EPN2: variants seen among roughly 807,000 people sequenced by gnomAD.
EPN2 encodes epsin 2.
EPN2 carries 34 observed loss-of-function variants against 61.7 expected under a neutral mutation model. That is an observed-to-expected ratio of 0.55 (90% CI 0.42 to 0.73). The LOEUF (loss-of-function observed/expected upper bound fraction) is 0.73, where lower values mean the gene tolerates loss of function less well. Among genes scored for constraint, EPN2 ranks in the 30% least tolerant of loss-of-function variants. The probability of loss-of-function intolerance (pLI) is 0.00; values close to 1 mark genes in which losing one functional copy is unlikely to be tolerated. For synonymous variants in EPN2, 349 were observed against 353.6 expected, an observed-to-expected ratio of 0.99 and a Z score of 0.15; for missense variants, 714 against 839.2, an observed-to-expected ratio of 0.85 and a Z score of 1.84.
chr17:19,326,595 G>C (rs949802010), intron 7 of EPN2, among the ~76,000 whole-genome samples: 2 of 147,522 alleles, frequency 1.4e-5, no homozygotes, highest in East Asian at 4.1e-4. Context: ...GCTGAGGCAG[G>C]AGAATGGCAT....
chr17:19,250,421 C>T (rs532231082), intron 1 of EPN2, among the ~76,000 whole-genome samples: 2 of 152,138 alleles, frequency 1.3e-5, no homozygotes, highest in South Asian at 2.1e-4. Flanking sequence ...TAACTGCTAC[C>T]TTAATTCTCC....
rs756592790 is a variant in EPN2 at position 19,285,583 on chromosome 17, G to GTC, written c.596-31_596-30dup. 1.4e-6 allele frequency: 2 copies of GTC among 1,463,046 alleles called. No individual in the cohort carries two copies. Among genetic ancestry groups the GTC allele is most frequent in the Admixed American group, 2.4e-5 (1 of 40,930 alleles). The allele number at this position is 1,463,046 out of a possible 1,614,324, so 90.6% of individuals were successfully genotyped here. A position where few individuals can be genotyped will look rare whatever the true frequency, so the allele number is the denominator to read the frequency against. On this transcript the variant is annotated intron_variant, in intron 3 of 10. Coordinates refer to ENST00000314728, the MANE Select transcript of EPN2 (RefSeq NM_014964.5). The surrounding 1 kb of genome is among the most constrained non-coding windows in gnomAD (Gnocchi z 4.5). ...GCTGCTGCGCACCCTCTAATGGCGT[G>GTC]TCTCTCTGTGTGTGTGTGTGTGTCC... is the stretch of plus-strand genomic sequence containing the variant.
chr17:19,268,537 T>G (rs2045223086), intron 1 of EPN2, among the ~76,000 whole-genome samples: 1 of 152,176 alleles, frequency 6.6e-6, no homozygotes, highest in Non-Finnish European at 1.5e-5. Context: ...CCTTAGTACA[T>G]CTTTATAATG....
chr17:19,248,124 A>G (rs2044972946), intron 1 of EPN2, among the ~76,000 whole-genome samples: 1 of 152,220 alleles, frequency 6.6e-6, no homozygotes, highest in Non-Finnish European at 1.5e-5. Flanking sequence ...TGAAGCCAGA[A>G]GAAGCCTTTG....
At chr17:19,279,459 G>A (rs1430561303) in intron 1 of EPN2, among the ~76,000 whole-genome samples, 2 of 149,774 alleles carry the variant, frequency 1.3e-5, no homozygotes, top group African/African-American at 4.9e-5. Context: ...TTTTTTTTGA[G>A]ACAGAGTCTC....
At position 19,312,147 on chromosome 17, in the gene EPN2, A is replaced by G. The variant is rs1218833570; in HGVS notation, c.972+3A>G. 6.2e-7 allele frequency: 1 copy of G among 1,608,968 alleles called. No individual in the cohort carries two copies. Among genetic ancestry groups the G allele is most frequent in the Non-Finnish European group, 8.5e-7 (1 of 1,175,488 alleles). ...TTAAAATTCCAAAAAAGAAAGAGGT[A>G]AGAGCTTGCTGGGAGGGTAGATGTT... On this transcript the variant is annotated splice_donor_region_variant and intron_variant, in intron 6 of 10. Transcript: ENST00000314728.
chr17:19,290,763 TTTCTGATTCACTCAAG>T (rs1783843937), intron 4 of EPN2, among the ~76,000 whole-genome samples: 1 of 150,608 alleles, frequency 6.6e-6, no homozygotes, highest in South Asian at 2.1e-4. Flanking sequence ...TCTTCATTGC[TTTCTGATTCACTCAAG>T]TGAATCAGAA....
intron 1 of EPN2, among the ~76,000 whole-genome samples, chr17:19,275,540 A>C (rs1041539284): frequency 1.8e-4 from 27 of 152,180 alleles, no homozygotes; most frequent in Non-Finnish European, 3.8e-4. Flanking sequence ...CTGGTTTCCC[A>C]GAAGTTTTAG....
At chr17:19,309,203 C>T (rs529311836) in intron 4 of EPN2, among the ~76,000 whole-genome samples, 4 of 143,448 alleles carry the variant, frequency 2.8e-5, no homozygotes, top group Non-Finnish European at 6.0e-5. Flanking sequence ...AGTGCAGTGG[C>T]GAGATCTTGG....
intron 1 of EPN2, among the ~76,000 whole-genome samples, chr17:19,278,961 AT>A (rs2045334973): frequency 6.6e-6 from 1 of 152,164 alleles, no homozygotes; most frequent in South Asian, 2.1e-4. Context: ...CTTAGTGAGG[AT>A]TTCGAAAGCT....
At chr17:19,331,797 C>A in intron 9 of EPN2, 56 bp from the exon 10 acceptor site, 1 of 1,473,816 alleles carries the variant, frequency 6.8e-7, no homozygotes, top group Non-Finnish European at 9.5e-7. Flanking sequence ...GTTAAGTACA[C>A]AGTCTTAGGC....
At chr17:19,327,885 G>C (rs1480937340) in intron 7 of EPN2, among the ~76,000 whole-genome samples, 1 of 152,232 alleles carries the variant, frequency 6.6e-6, no homozygotes, top group African/African-American at 2.4e-5. Flanking sequence ...AGGCGGCAGT[G>C]GTGTCTGAAC....
chr17:19,331,973 C>G lies in EPN2; in HGVS notation c.1532C>G (p.Ser511Cys). Residue 511 changes from serine (S) to cysteine (C), a missense_variant, in exon 10 of 11, where the codon TCC (serine) becomes TGC (cysteine). Physicochemically the swap from Ser to Cys is moderately radical, Grantham distance 112. Coordinates refer to ENST00000314728, the MANE Select transcript of EPN2 (RefSeq NM_014964.5). The part of the protein sequence containing the change: ...KPSSARKTPE[S>C]FLGPNAALVN... ...AGCAGTGCCCGGAAAACACCTGAGTCCTTCCTGGGCCCCAACGCGGCCCTG... is the reference window on the plus strand; with the variant it reads ...AGCAGTGCCCGGAAAACACCTGAGTGCTTCCTGGGCCCCAACGCGGCCCTG... 1 of 1,614,160 alleles carries G rather than the reference C, an allele frequency of 6.2e-7. No homozygotes were observed. The highest frequency in any genetic ancestry group is 8.5e-7 in the Non-Finnish European group (1 of 1,180,032).
At chr17:19,328,026 TGTTTTA>T (rs1906970029) in intron 7 of EPN2, among the ~76,000 whole-genome samples, 1 of 152,200 alleles carries the variant, frequency 6.6e-6, no homozygotes, top group African/African-American at 2.4e-5. Context: ...TGCACTCAGA[TGTTTTA>T]GTTTTTTTGT....
intron 1 of EPN2, among the ~76,000 whole-genome samples, chr17:19,273,667 T>C (rs571106151): frequency 9.8e-4 from 150 of 152,352 alleles, no homozygotes; most frequent in Non-Finnish European, 1.8e-3. Flanking sequence ...CCAGCTGATA[T>C]AAAATTTGAT....
At chr17:19,311,700 G>A (rs1165816375) in intron 5 of EPN2, among the ~76,000 whole-genome samples, 1 of 152,132 alleles carries the variant, frequency 6.6e-6, no homozygotes, top group African/African-American at 2.4e-5. Context: ...TCAGATTTGT[G>A]TTTTATAAGG....
intron 7 of EPN2, 50 bp from the exon 8 acceptor site, chr17:19,328,661 G>T: frequency 6.5e-7 from 1 of 1,528,386 alleles, no homozygotes; most frequent in South Asian, 1.3e-5. Context: ...CACCCCAGCT[G>T]CCCAGACCCT....
At chr17:19,319,891 G>T (rs971840942) in intron 7 of EPN2, among the ~76,000 whole-genome samples, 3 of 152,202 alleles carry the variant, frequency 2.0e-5, no homozygotes, top group Admixed American at 6.5e-5. Flanking sequence ...TGATCCACCC[G>T]CCTCGGCCTC....
intron 1 of EPN2, among the ~76,000 whole-genome samples, chr17:19,269,473 C>T (rs2045232899): frequency 6.6e-6 from 1 of 152,158 alleles, no homozygotes; most frequent in Non-Finnish European, 1.5e-5. Context: ...TAGTAGAAGA[C>T]ACTGTTAATA....
Sources: allele counts gnomAD v4.1 joint callset (sites outside exome capture counted in the v4.1 genomes callset), GRCh38; gene constraint gnomAD v4.1.1; non-coding constraint Gnocchi (gnomAD v3.1); transcripts MANE v1.5; gene names NCBI Gene and HGNC (gene_info 2026-07-23, HGNC 2026-07-21).